The following ANXA7 variants were observed in gnomAD, a reference collection of about 807,000 sequenced individuals.
The protein encoded by ANXA7 is annexin VII.
Under a neutral mutation model 64.9 loss-of-function variants are expected in ANXA7, and 55 were observed. The observed-to-expected ratio is 0.85, with a 90% confidence interval of 0.68 to 1.06. The LOEUF (loss-of-function observed/expected upper bound fraction) is 1.06, where lower values mean the gene tolerates loss of function less well. Among genes scored for constraint, ANXA7 ranks in the 50% least tolerant of loss-of-function variants. The pLI, the probability that ANXA7 is intolerant of heterozygous loss-of-function variation, is 0.00. For synonymous variants in ANXA7, 200 were observed against 192.4 expected, an observed-to-expected ratio of 1.04 and a Z score of -0.33; for missense variants, 548 against 582.1, an observed-to-expected ratio of 0.94 and a Z score of 0.60.
chr10:73,404,172 G>T (rs926292029), intron 1 of ANXA7, among the ~76,000 whole-genome samples: 5 of 152,192 alleles, frequency 3.3e-5, no homozygotes, highest in African/African-American at 1.2e-4. Flanking sequence ...GAAAAAGAAA[G>T]TAGGGTGGTA....
chr10:73,405,478 G>T (rs1420992481), intron 1 of ANXA7, among the ~76,000 whole-genome samples: 1 of 152,132 alleles, frequency 6.6e-6, no homozygotes, highest in African/African-American at 2.4e-5. Flanking sequence ...GGCAGAGGTT[G>T]CAGTGAGCCA....
chr10:73,391,312 C>T (rs2055479304), intron 5 of ANXA7, among the ~76,000 whole-genome samples: 1 of 150,808 alleles, frequency 6.6e-6, no homozygotes, highest in East Asian at 2.0e-4. Context: ...AACCTTCTTG[C>T]TGAAAAACTA....
At chr10:73,406,157 T>C (rs931887362) in intron 1 of ANXA7, among the ~76,000 whole-genome samples, 1 of 152,312 alleles carries the variant, frequency 6.6e-6, no homozygotes, top group South Asian at 2.1e-4. Context: ...GGTTTCGTCA[T>C]GTTGGCCAGG....
rs557444528 is a variant in ANXA7 at position 73,382,071 on chromosome 10, A to G, written c.918+1104T>C. On this transcript the variant is annotated intron_variant, in intron 9 of 12. Coordinates refer to ENST00000372921, the MANE Select transcript of ANXA7 (RefSeq NM_001156.5). ...TTGTATTTAGTAGAGATGGAGTTTCACCATGTTGGTCAGGCTGGTCTCAAA... is the reference window on the plus strand; with the variant it reads ...TTGTATTTAGTAGAGATGGAGTTTCGCCATGTTGGTCAGGCTGGTCTCAAA... Among the ~76,000 whole-genome samples the G allele has an allele frequency of 2.0e-5, 3 of 152,004 alleles. No individual in the cohort carries two copies. In the East Asian group the frequency reaches 5.8e-4, roughly 29 times the overall value.
chr10:73,388,447 ATT>A (rs763462842), intron 5 of ANXA7, 33 bp from the exon 6 acceptor site: 7 of 1,520,994 alleles, frequency 4.6e-6, no homozygotes, highest in Non-Finnish European at 6.4e-6. Context: ...CCGTGTCAGC[ATT>A]TCCAGTAAGT....
chr10:73,388,488 C>T (rs1464989981), intron 5 of ANXA7, 74 bp from the exon 6 acceptor site: 1 of 1,149,072 alleles, frequency 8.7e-7, no homozygotes, highest in Non-Finnish European at 1.3e-6. Context: ...AAGACTTCCC[C>T]AGACATCAAT....
chr10:73,409,277 C>T (rs1172661041), intron 1 of ANXA7, among the ~76,000 whole-genome samples: 1 of 152,102 alleles, frequency 6.6e-6, no homozygotes, highest in African/African-American at 2.4e-5. Flanking sequence ...CTAAAGACTC[C>T]AACAGACTCT....
chr10:73,383,275 A>G lies in ANXA7; in HGVS notation c.818T>C (p.Ile273Thr), dbSNP rs548240786. 5 of 1,614,110 alleles carry G rather than the reference A, an allele frequency of 3.1e-6. No individual in the cohort carries two copies. The highest frequency in any genetic ancestry group is 1.7e-5 in the Admixed American group (1 of 60,012). ...CTRTNQEIRE[I>T]VRCYQSEFGR... is the part of the protein sequence containing the mutation. Reference sequence around the variant, plus strand: ...AAATTCTGACTGATAACATCTGACAATTTCTCGGATTTCCTGATTTGTTCT... The same window carrying G: ...AAATTCTGACTGATAACATCTGACAGTTTCTCGGATTTCCTGATTTGTTCT... Residue 273 changes from isoleucine to threonine, a missense_variant, in exon 9 of 13, where the codon ATT (isoleucine) becomes ACT (threonine). Physicochemically the swap from Ile to Thr is moderately conservative, Grantham distance 89 (BLOSUM62 -1). Transcript: ENST00000372921.
intron 5 of ANXA7, among the ~76,000 whole-genome samples, chr10:73,392,221 C>CA: frequency 6.6e-6 from 1 of 152,088 alleles, no homozygotes; most frequent in Middle Eastern, 3.4e-3. Flanking sequence ...GCCTACCAAC[C>CA]AAAAAAAGTC....
In ANXA7 at chr10:73,396,599, A is replaced by T. The variant is rs201476603; in HGVS notation, c.371-16T>A. ...GGAAAGCCACCTATAATGTTAAAAA[A>T]AATAATAATAATACGGCAACAGGTC... is the stretch of plus-strand genomic sequence containing the variant. On this transcript the variant is annotated splice_polypyrimidine_tract_variant and intron_variant, in intron 4 of 12. Coordinates refer to ENST00000372921, the MANE Select transcript of ANXA7 (RefSeq NM_001156.5). 3.1e-4 allele frequency: 480 copies of T among 1,541,160 alleles called. 3 individuals are homozygous for T. The African/African-American group carries it at 5.4e-3, about 17-fold the overall frequency.
At chr10:73,402,589 T>G (rs976189818) in intron 1 of ANXA7, among the ~76,000 whole-genome samples, 1 of 152,206 alleles carries the variant, frequency 6.6e-6, no homozygotes, top group African/African-American at 2.4e-5. Context: ...CTTTTGACTT[T>G]TAAGGTTTAA....
Position 73,375,996 on chromosome 10 carries a change from T to C in ANXA7, c.*99A>G. The C allele has an allele frequency of 9.5e-7, 1 of 1,050,958 alleles. No individual in the cohort carries two copies. The highest frequency in any genetic ancestry group is 1.3e-6 in the Non-Finnish European group (1 of 764,426). The allele number at this position is 1,050,958 out of a possible 1,614,324, so 65.1% of individuals were successfully genotyped here. On this transcript the variant is annotated 3_prime_UTR_variant, in exon 13 of 13. Coordinates refer to ENST00000372921, the MANE Select transcript of ANXA7 (RefSeq NM_001156.5). ...ATACGGTCCTTGACAGAAAGCTCTT[T>C]CGGTTAGCTGATGTTTGATATTGCT...
intron 5 of ANXA7, among the ~76,000 whole-genome samples, chr10:73,389,669 A>G (rs1386285556): frequency 6.6e-6 from 1 of 152,232 alleles, no homozygotes; most frequent in African/African-American, 2.4e-5. Flanking sequence ...TCTGTTGTTC[A>G]GGCTGGAGTG....
rs2055253331 is a variant in ANXA7 at position 73,380,175 on chromosome 10, T to C, written c.945A>G (p.Ile315Met). ...CATCTTCCTGAGCCATTTGGTGGTT[T>C]ATACTCTGGTTCTCATCACGATTTC... The part of the protein sequence containing the change: ...CQGNRDENQS[I>M]NHQMAQEDAQ... Residue 315 changes from isoleucine (I) to methionine (M), a missense_variant, in exon 10 of 13, where the codon ATA becomes ATG. By Grantham distance (10) the Ile-to-Met change is conservative. Transcript: ENST00000372921. 6.2e-7 allele frequency: 1 copy of C among 1,613,630 alleles called. No individual in the cohort carries two copies. The highest frequency in any genetic ancestry group is 1.1e-5 in the South Asian group (1 of 90,902).
chr10:73,388,271 A>C, intron 6 of ANXA7, 41 bp downstream of exon 6: 1 of 1,416,832 alleles, frequency 7.1e-7, no homozygotes, highest in Non-Finnish European at 1.0e-6. Flanking sequence ...AGAACTGATT[A>C]CTTTAACTTA....
intron 1 of ANXA7, among the ~76,000 whole-genome samples, chr10:73,403,485 C>T (rs2055706273): frequency 6.6e-6 from 1 of 151,992 alleles, no homozygotes; most frequent in Non-Finnish European, 1.5e-5. Flanking sequence ...GAGACCGTGT[C>T]TCTTAAAAAA....
At chr10:73,398,837 A>G (rs61865832) in intron 2 of ANXA7, among the ~76,000 whole-genome samples, 84 of 152,238 alleles carry the variant, frequency 5.5e-4, no homozygotes, top group Admixed American at 1.6e-3. Flanking sequence ...ATATCACATC[A>G]CACACCGGAT....
At chr10:73,387,917 T>C in intron 6 of ANXA7, 134 bp from the exon 7 acceptor site, 1 of 692,476 alleles carries the variant, frequency 1.4e-6, no homozygotes, top group Non-Finnish European at 2.5e-6. Flanking sequence ...AATGGTGTGA[T>C]CTAGGCTGAC....
Position 73,396,528 on chromosome 10 carries a change from G to A in ANXA7, c.426C>T (p.Tyr142=), listed in dbSNP as rs560217671. 2.6e-5 allele frequency: 42 copies of A among 1,610,296 alleles called. No homozygotes were observed. The South Asian group carries it at 3.3e-4, about 13-fold the overall frequency. The change falls in exon 5 of 13, where the codon TAC becomes TAT. Residue 142 remains tyrosine, a synonymous_variant. Coordinates refer to ENST00000372921, the MANE Select transcript of ANXA7 (RefSeq NM_001156.5). ...PSQYPGGQPT[Y]PSQPATVTQV... ...GGTAGGAACAAAATACCTGACTAGG[G>A]TAAGTAGGTTGTCCTCCAGGATACT...
Sources: gnomAD v4.1 joint callset for allele counts (sites outside exome capture counted in the v4.1 genomes callset) on GRCh38, gnomAD v4.1.1 for gene constraint, MANE v1.5 for transcripts, NCBI Gene and HGNC (gene_info 2026-07-23, HGNC 2026-07-21) for gene names.